LRMDA: variants seen among roughly 807,000 people sequenced by gnomAD.
The protein encoded by LRMDA is leucine-rich melanocyte differentiation-associated protein.
A neutral mutation model predicts 29.8 loss-of-function variants in LRMDA; 18 were observed. The ratio of observed to expected loss-of-function variants is 0.60; its 90% CI spans 0.42 to 0.90. The LOEUF is 0.90. Among genes scored for constraint, LRMDA ranks in the 40% least tolerant of loss-of-function variants. The probability of loss-of-function intolerance (pLI) is 0.00; values close to 1 mark genes in which losing one functional copy is unlikely to be tolerated. For synonymous variants in LRMDA, 125 were observed against 109.4 expected (o/e 1.14, Z -0.89); for missense variants, 273 against 273.9 (o/e 1.00, Z 0.02).
intron 6 of LRMDA, among the ~76,000 whole-genome samples, chr10:76,505,751 T>A (rs1842953145): frequency 6.6e-6 from 1 of 152,160 alleles, no homozygotes; most frequent in African/African-American, 2.4e-5. Flanking sequence ...ATGAATTCTA[T>A]GTGTGTCATT....
At chr10:76,296,370 T>C (rs1840412319) in intron 5 of LRMDA, among the ~76,000 whole-genome samples, 1 of 152,220 alleles carries the variant, frequency 6.6e-6, no homozygotes, top group African/African-American at 2.4e-5. Context: ...TGCAGGCTTA[T>C]TCACGAGGTG....
intron 2 of LRMDA, among the ~76,000 whole-genome samples, chr10:75,583,635 C>G (rs1301209452): frequency 3.3e-5 from 5 of 152,152 alleles, no homozygotes; most frequent in African/African-American, 1.2e-4. Context: ...TATCCAAACT[C>G]TATCAACCTC....
intron 5 of LRMDA, among the ~76,000 whole-genome samples, chr10:76,254,340 C>CATACCATACCATACT (rs759692334): frequency 2.2e-5 from 2 of 90,146 alleles, no homozygotes; most frequent in African/African-American, 6.7e-5. Context: ...CATACCATAC[C>CATACCATACCATACT]ATCCTATCCT....
At chr10:76,390,046 AT>A (rs1389357364) in intron 6 of LRMDA, among the ~76,000 whole-genome samples, 1 of 152,132 alleles carries the variant, frequency 6.6e-6, no homozygotes, top group Non-Finnish European at 1.5e-5. Flanking sequence ...TTTATTTTTA[AT>A]TTCTTAAAGA....
chr10:76,018,018 C>T (rs1248871998), intron 2 of LRMDA, among the ~76,000 whole-genome samples: 1 of 152,230 alleles, frequency 6.6e-6, no homozygotes, highest in African/African-American at 2.4e-5. Context: ...TGTGCCATCT[C>T]TTCCACCACT....
chr10:75,825,246 A>C (rs1181372912), intron 2 of LRMDA, among the ~76,000 whole-genome samples: 3 of 107,594 alleles, frequency 2.8e-5, no homozygotes, highest in Non-Finnish European at 6.3e-5. Flanking sequence ...CCCAAAATAA[A>C]TACATTTTCT....
At chr10:76,519,184 C>CA (rs1369024533) in intron 6 of LRMDA, among the ~76,000 whole-genome samples, 3 of 150,954 alleles carry the variant, frequency 2.0e-5, no homozygotes, top group Admixed American at 6.6e-5. Context: ...AACCCAGCCT[C>CA]AAAAAAAATT....
intron 5 of LRMDA, among the ~76,000 whole-genome samples, chr10:76,307,777 G>C (rs373210099): frequency 6.6e-6 from 1 of 152,200 alleles, no homozygotes. Context: ...AGGCCACCAC[G>C]TGGAGAAACC....
chr10:76,296,665 G>A (rs145551197), intron 5 of LRMDA, among the ~76,000 whole-genome samples: 4 of 152,312 alleles, frequency 2.6e-5, no homozygotes, highest in African/African-American at 7.2e-5. Flanking sequence ...TTGGACCAAG[G>A]AGTGCTGTTT....
At chr10:76,335,602 A>T (rs1413044225) in intron 6 of LRMDA, among the ~76,000 whole-genome samples, 2 of 152,222 alleles carry the variant, frequency 1.3e-5, no homozygotes, top group Non-Finnish European at 2.9e-5. Context: ...AAGACATGAG[A>T]CATCAATCAA....
intron 6 of LRMDA, among the ~76,000 whole-genome samples, chr10:76,529,487 C>A (rs1843212013): frequency 6.6e-6 from 1 of 152,156 alleles, no homozygotes; most frequent in Non-Finnish European, 1.5e-5. Context: ...CCCAAGTTAT[C>A]TGCCTCTTGA....
intron 6 of LRMDA, among the ~76,000 whole-genome samples, chr10:76,523,355 C>T (rs1843141344): frequency 6.6e-6 from 1 of 151,942 alleles, no homozygotes; most frequent in Non-Finnish European, 1.5e-5. Context: ...TGTGTTCTGC[C>T]AAGGGGGTCA....
intron 5 of LRMDA, among the ~76,000 whole-genome samples, chr10:76,158,709 T>C (rs1850588735): frequency 6.6e-6 from 1 of 152,184 alleles, no homozygotes; most frequent in Non-Finnish European, 1.5e-5. Flanking sequence ...CATGCTGAAT[T>C]CTTATCTCAT....
chr10:76,481,814 C>A (rs1245569132), intron 6 of LRMDA, among the ~76,000 whole-genome samples: 3 of 151,870 alleles, frequency 2.0e-5, no homozygotes, highest in African/African-American at 7.2e-5. Context: ...AGGTGCTGAC[C>A]ATCAGCCATC....
At chr10:75,862,220 G>A (rs904215369) in intron 2 of LRMDA, among the ~76,000 whole-genome samples, 1 of 138,102 alleles carries the variant, frequency 7.2e-6, no homozygotes, top group Non-Finnish European at 1.7e-5. Flanking sequence ...ACGCACTTAA[G>A]TCAGTTTAAT....
chr10:75,590,438 A>T (rs560393304), intron 2 of LRMDA, among the ~76,000 whole-genome samples: 1 of 151,892 alleles, frequency 6.6e-6, no homozygotes, highest in Non-Finnish European at 1.5e-5. Context: ...CCTTAAAAAA[A>T]GTTTTGTTAT....
intron 5 of LRMDA, among the ~76,000 whole-genome samples, chr10:76,230,610 G>A (rs796434496): frequency 3.3e-5 from 5 of 150,126 alleles, no homozygotes; most frequent in African/African-American, 1.2e-4. Flanking sequence ...TATATATTTG[G>A]GGATGACACC....
At chr10:76,520,511 A>G (rs1401075699) in intron 6 of LRMDA, among the ~76,000 whole-genome samples, 4 of 152,156 alleles carry the variant, frequency 2.6e-5, no homozygotes, top group Non-Finnish European at 4.4e-5. Flanking sequence ...AACTTGTCCA[A>G]TCTCTGATAT....
At chr10:76,541,450 C>A (rs1203318267) in intron 6 of LRMDA, among the ~76,000 whole-genome samples, 1 of 152,118 alleles carries the variant, frequency 6.6e-6, no homozygotes. Flanking sequence ...GCAGTGAGCC[C>A]AGATCGCCCC....
Sources: allele counts gnomAD v4.1 joint callset (sites outside exome capture counted in the v4.1 genomes callset), GRCh38; gene constraint gnomAD v4.1.1; transcripts MANE v1.5; gene names NCBI Gene and HGNC (gene_info 2026-07-23, HGNC 2026-07-21).